HFE: variants seen among roughly 807,000 people sequenced by gnomAD.
HFE encodes the protein homeostatic iron regulator.
Under a neutral mutation model 40.9 loss-of-function variants are expected in HFE, and 36 were observed. The ratio of observed to expected loss-of-function variants is 0.88; its 90% CI spans 0.67 to 1.16. The LOEUF is 1.16. Among genes scored for constraint, HFE ranks in the 50% most tolerant of loss-of-function variants. HFE has a pLI of 0.00. For missense variants in HFE, 376 were observed against 432.0 expected (o/e 0.87, Z 1.15); for synonymous variants, 157 against 165.4 (o/e 0.95, Z 0.39).
rs1485790827 is a variant in HFE, at chr6:26,096,497, T to C, written c.*2271T>C. 2.2e-6 allele frequency: 1 copy of C among 456,532 alleles called. No individual in the cohort carries two copies. The highest frequency in any genetic ancestry group is 4.4e-6 in the Non-Finnish European group (1 of 226,824). The allele number at this position is 456,532 out of a possible 1,614,324, so 28.3% of individuals were successfully genotyped here. A position where few individuals can be genotyped will look rare whatever the true frequency, so the allele number is the denominator to read the frequency against. Reference sequence around the variant, plus strand: ...GTTTACTTTATGTTACTACATGCACTTGGCTGCATAAATGTGGTACAAGCA... The same window carrying C: ...GTTTACTTTATGTTACTACATGCACCTGGCTGCATAAATGTGGTACAAGCA... On this transcript the variant is annotated 3_prime_UTR_variant, in exon 6 of 6. Coordinates refer to ENST00000357618, the MANE Select transcript of HFE (RefSeq NM_000410.4).
chr6:26,093,835 G>A (rs865847270), intron 5 of HFE, among the ~76,000 whole-genome samples: 8 of 152,132 alleles, frequency 5.3e-5, no homozygotes, highest in African/African-American at 1.9e-4. Flanking sequence ...TCTACCCCCT[G>A]AACATCTGTG....
intron 3 of HFE, 148 bp downstream of exon 3, chr6:26,091,737 C>G: frequency 3.9e-6 from 3 of 770,200 alleles, no homozygotes; most frequent in Non-Finnish European, 6.6e-6. Flanking sequence ...ATCCTAGAGT[C>G]TCTACCTTAT....
At chr6:26,092,642 G>A (rs1762803641) in intron 3 of HFE, 43 bp from the exon 4 acceptor site, 2 of 1,614,070 alleles carry the variant, frequency 1.2e-6, no homozygotes, top group East Asian at 4.5e-5. Context: ...CCTGGCAAGG[G>A]TAAACAGATC....
At chr6:26,092,539 G>C (rs952516201) in intron 3 of HFE, 146 bp from the exon 4 acceptor site, 3 of 1,425,898 alleles carry the variant, frequency 2.1e-6, no homozygotes, top group African/African-American at 1.4e-5. Context: ...CCAATCTTAG[G>C]ACACAAAATG....
chr6:26,093,751 A>G (rs1304998849), intron 5 of HFE, among the ~76,000 whole-genome samples: 1 of 151,996 alleles, frequency 6.6e-6, no homozygotes, highest in Non-Finnish European at 1.5e-5. Flanking sequence ...AGTATAAGGC[A>G]TACTGGGAGA....
chr6:26,092,651 T>A, intron 3 of HFE, 34 bp from the exon 4 acceptor site: 1 of 1,614,100 alleles, frequency 6.2e-7, no homozygotes. Context: ...GGTAAACAGA[T>A]CCCCTCTCCT....
intron 5 of HFE, 138 bp from the exon 6 acceptor site, chr6:26,094,048 G>A (rs1390149360): frequency 2.4e-6 from 2 of 829,662 alleles, no homozygotes; most frequent in African/African-American, 3.3e-5. Context: ...ATTTCCAGAT[G>A]AGAGATAATG....
At chr6:26,093,063 TA>T (rs1762843076) in intron 4 of HFE, 55 bp from the exon 5 acceptor site, 1 of 1,613,722 alleles carries the variant, frequency 6.2e-7, no homozygotes, top group African/African-American at 1.3e-5. Flanking sequence ...TGCTCTTTGT[TA>T]GGGGGTGGGC....
intron 1 of HFE, among the ~76,000 whole-genome samples, chr6:26,088,025 A>G (rs1762411673): frequency 6.6e-6 from 1 of 152,134 alleles, no homozygotes; most frequent in Non-Finnish European, 1.5e-5. Flanking sequence ...GGGGCGCGAA[A>G]GAGTGGCGTT....
Position 26,092,887 on chromosome 6 carries a change from C to T in HFE, c.819C>T (p.Pro273=), listed in dbSNP as rs773624350. 3 of 1,614,166 alleles carry T rather than the reference C, an allele frequency of 1.9e-6. No individual in the cohort carries two copies. The highest frequency in any genetic ancestry group is 1.1e-5 in the South Asian group (1 of 91,082). The change falls in exon 4 of 6, where the codon CCC becomes CCT. Residue 273 remains proline, a synonymous_variant. Transcript: ENST00000357618. ...TYQGWITLAV[P]PGEEQRYTCQ... is the part of the protein sequence containing the mutation. Reference sequence around the variant, plus strand: ...AGGGCTGGATAACCTTGGCTGTACCCCCTGGGGAAGAGCAGAGATATACGT... The same window carrying T: ...AGGGCTGGATAACCTTGGCTGTACCTCCTGGGGAAGAGCAGAGATATACGT...
At chr6:26,091,978 C>G (rs931234683) in intron 3 of HFE, among the ~76,000 whole-genome samples, 1 of 151,874 alleles carries the variant, frequency 6.6e-6, no homozygotes, top group Non-Finnish European at 1.5e-5. Flanking sequence ...GAGTTTGAGA[C>G]CAGCCTGACC....
chr6:26,091,661 C>CTGGT (rs1762720761), intron 3 of HFE, 72 bp downstream of exon 3: 1 of 1,542,676 alleles, frequency 6.5e-7, no homozygotes, highest in Non-Finnish European at 8.9e-7. Flanking sequence ...CACGGAATCC[C>CTGGT]TGGTTGGAGT....
At chr6:26,088,160 T>A (rs1762421800) in intron 1 of HFE, among the ~76,000 whole-genome samples, 1 of 152,368 alleles carries the variant, frequency 6.6e-6, no homozygotes, top group Non-Finnish European at 1.5e-5. Context: ...ATTGTTCTTT[T>A]GCCTGGAAAA....
At chr6:26,091,613 C>T in intron 3 of HFE, 24 bp downstream of exon 3, 3 of 1,611,146 alleles carry the variant, frequency 1.9e-6, no homozygotes, top group African/African-American at 1.3e-5. Context: ...ACACTTCTGC[C>T]CCTATACTCT....
At chr6:26,088,664 G>A (rs1762454460) in intron 1 of HFE, among the ~76,000 whole-genome samples, 1 of 152,154 alleles carries the variant, frequency 6.6e-6, no homozygotes, top group Admixed American at 6.5e-5. Flanking sequence ...TGGTACACTG[G>A]GCTTTGGTGG....
intron 1 of HFE, among the ~76,000 whole-genome samples, chr6:26,090,190 T>G (rs1198438405): frequency 2.6e-5 from 4 of 152,024 alleles, no homozygotes; most frequent in Non-Finnish European, 5.9e-5. Flanking sequence ...ACTTCTGTAA[T>G]CCCAGCACTT....
Position 26,091,097 on chromosome 6 carries a change from C to T in HFE, c.333C>T (p.His111=). ...GGACTATTATGGAAAATCACAACCACAGCAAGGGTATGTGGAGAGGGGGCC... is the reference window on the plus strand; with the variant it reads ...GGACTATTATGGAAAATCACAACCATAGCAAGGGTATGTGGAGAGGGGGCC... ...DFWTIMENHN[H]SKESHTLQVI... The change falls in exon 2 of 6, where the codon CAC becomes CAT. Residue 111 remains histidine (H), a synonymous_variant. Transcript: ENST00000357618. 6.2e-7 allele frequency: 1 copy of T among 1,614,202 alleles called. No individual in the cohort carries two copies. The highest frequency in any genetic ancestry group is 8.5e-7 in the Non-Finnish European group (1 of 1,180,034).
At chr6:26,088,264 T>G (rs1284217659) in intron 1 of HFE, among the ~76,000 whole-genome samples, 1 of 152,250 alleles carries the variant, frequency 6.6e-6, no homozygotes, top group East Asian at 1.9e-4. Context: ...TTAAGAGGCC[T>G]CTCTACAAAG....
At chr6:26,090,720 C>T in intron 1 of HFE, 121 bp from the exon 2 acceptor site, 1 of 1,043,826 alleles carries the variant, frequency 9.6e-7, no homozygotes. Context: ...GACTGCAACT[C>T]ACCCTTCACA....
Sources: allele counts gnomAD v4.1 joint callset (sites outside exome capture counted in the v4.1 genomes callset), GRCh38; gene constraint gnomAD v4.1.1; transcripts MANE v1.5; gene names NCBI Gene and HGNC (gene_info 2026-07-23, HGNC 2026-07-21).